ASTN2: variants seen among roughly 807,000 people sequenced by gnomAD.
ASTN2 encodes the protein astrotactin-2.
In ASTN2, 54 loss-of-function variants were observed where a neutral mutation model predicts 139.8. The ratio of observed to expected loss-of-function variants is 0.39; its 90% CI spans 0.31 to 0.48. ASTN2 has a LOEUF of 0.48. Ranked by LOEUF, ASTN2 falls within the 20% of genes least tolerant of loss-of-function variation. The pLI is 0.95. For missense variants in ASTN2, 1,565 were observed against 1,725.1 expected, an observed-to-expected ratio of 0.91 and a Z score of 1.64; for synonymous variants, 756 against 719.5, an observed-to-expected ratio of 1.05 and a Z score of -0.81.
chr9:116,905,380 G>T (rs16934045), intron 10 of ASTN2, among the ~76,000 whole-genome samples: 64 of 152,232 alleles, frequency 4.2e-4, no homozygotes, highest in Middle Eastern at 3.4e-3. Context: ...TGACGAATCC[G>T]CCAAGAAAGC....
intron 7 of ASTN2, among the ~76,000 whole-genome samples, chr9:116,987,686 T>A (rs1005683316): frequency 4.6e-5 from 7 of 152,190 alleles, no homozygotes; most frequent in African/African-American, 1.7e-4. Context: ...TTCCTATATG[T>A]ACATACCCAT....
At chr9:117,134,736 GC>G in intron 4 of ASTN2, among the ~76,000 whole-genome samples, 1 of 152,050 alleles carries the variant, frequency 6.6e-6, no homozygotes, top group East Asian at 1.9e-4. Context: ...CCCCAAGCCA[GC>G]CCACACCACC....
intron 17 of ASTN2, among the ~76,000 whole-genome samples, chr9:116,646,004 T>G (rs1241259280): frequency 6.6e-6 from 1 of 152,238 alleles, no homozygotes; most frequent in African/African-American, 2.4e-5. Flanking sequence ...GATTTCTTCT[T>G]GGACATTATG....
intron 12 of ASTN2, among the ~76,000 whole-genome samples, chr9:116,819,743 A>G (rs917689089): frequency 6.6e-6 from 1 of 152,228 alleles, no homozygotes; most frequent in Admixed American, 6.5e-5. Flanking sequence ...CAAATATTCT[A>G]ATACTAAGAC....
At chr9:117,272,051 T>C (rs1834078534) in intron 2 of ASTN2, among the ~76,000 whole-genome samples, 1 of 152,134 alleles carries the variant, frequency 6.6e-6, no homozygotes, top group Admixed American at 6.5e-5. Flanking sequence ...TCTTCCACAC[T>C]CCCATAGCAG....
At chr9:116,578,826 T>C (rs1853835727) in intron 19 of ASTN2, 1 of 152,142 alleles carries the variant, frequency 6.6e-6, no homozygotes, top group Non-Finnish European at 1.5e-5. Flanking sequence ...TGGATAAAGT[T>C]ATTATTGTCC....
At chr9:116,679,891 T>A (rs1182346638) in intron 16 of ASTN2, among the ~76,000 whole-genome samples, 1 of 152,162 alleles carries the variant, frequency 6.6e-6, no homozygotes, top group Non-Finnish European at 1.5e-5. Context: ...GAGGGAAATT[T>A]ATAGCAATAA....
chr9:116,530,329 C>T (rs1851290505), intron 19 of ASTN2, among the ~76,000 whole-genome samples: 3 of 151,068 alleles, frequency 2.0e-5, no homozygotes, highest in Admixed American at 1.3e-4. Context: ...ATCATGGTTA[C>T]TACATGTTAC....
intron 5 of ASTN2, among the ~76,000 whole-genome samples, chr9:117,092,936 T>C (rs1018395759): frequency 2.0e-5 from 3 of 152,180 alleles, no homozygotes; most frequent in Middle Eastern, 3.4e-3. Flanking sequence ...AGAACCATTC[T>C]AGTGTCACAG....
At chr9:116,682,670 T>C (rs2132025340) in intron 16 of ASTN2, among the ~76,000 whole-genome samples, 1 of 152,308 alleles carries the variant, frequency 6.6e-6, no homozygotes, top group African/African-American at 2.4e-5. Flanking sequence ...ATGTGGCACA[T>C]ATACACCATG....
intron 19 of ASTN2, among the ~76,000 whole-genome samples, chr9:116,574,844 C>T (rs1272217009): frequency 1.3e-5 from 2 of 152,206 alleles, no homozygotes; most frequent in East Asian, 3.8e-4. Flanking sequence ...TTCCTTTGCA[C>T]ATTAAACTTC....
chr9:116,708,624 G>C (rs78606537), intron 16 of ASTN2, among the ~76,000 whole-genome samples: 2 of 152,196 alleles, frequency 1.3e-5, no homozygotes, highest in Middle Eastern at 3.4e-3. Context: ...AAGAGCTCAC[G>C]AAAAAGGGAT....
rs192410738 is a variant in ASTN2 at position 117,098,589 on chromosome 9, T to G, written c.1169-2438A>C. 1.2e-3 allele frequency among the ~76,000 whole-genome samples: 181 copies of G among 152,122 alleles called. 1 individual carries two copies. Among genetic ancestry groups the G allele is most frequent in the African/African-American group, 4.3e-3 (178 of 41,518 alleles). On this transcript the variant is annotated intron_variant, in intron 4 of 22. Coordinates refer to ENST00000313400, the MANE Select transcript of ASTN2 (RefSeq NM_001365068.1). ...GCACACTTCCCCAATCCCCAGCAACTAAAAGCAGGGCCTGGAGACATCAGG... is the reference window on the plus strand; with the variant it reads ...GCACACTTCCCCAATCCCCAGCAACGAAAAGCAGGGCCTGGAGACATCAGG...
intron 10 of ASTN2, among the ~76,000 whole-genome samples, chr9:116,959,172 CT>C (rs777741073): frequency 6.6e-6 from 1 of 152,118 alleles, no homozygotes; most frequent in East Asian, 1.9e-4. Context: ...GGAGAAAGGG[CT>C]TCTACAATGG....
chr9:116,466,599 T>C (rs555118688), intron 20 of ASTN2, among the ~76,000 whole-genome samples: 1 of 152,168 alleles, frequency 6.6e-6, no homozygotes, highest in Non-Finnish European at 1.5e-5. Context: ...CAGTGTAAGA[T>C]GAGGCAATGC....
chr9:116,509,430 C>T (rs910177566), intron 19 of ASTN2, among the ~76,000 whole-genome samples: 2 of 152,110 alleles, frequency 1.3e-5, no homozygotes, highest in African/African-American at 4.8e-5. Flanking sequence ...TGGGTTGGTT[C>T]CAAGTCTTTG....
intron 20 of ASTN2, among the ~76,000 whole-genome samples, chr9:116,460,067 G>A (rs1237953213): frequency 6.6e-6 from 1 of 152,076 alleles, no homozygotes; most frequent in Non-Finnish European, 1.5e-5. Flanking sequence ...AATATTACTT[G>A]CCATAAAAAG....
chr9:117,310,779 C>T (rs1827949110), intron 1 of ASTN2, among the ~76,000 whole-genome samples: 3 of 152,112 alleles, frequency 2.0e-5, no homozygotes, highest in African/African-American at 7.2e-5. Flanking sequence ...CACGCGCCAC[C>T]ACACCCAGAT....
intron 3 of ASTN2, among the ~76,000 whole-genome samples, chr9:117,208,155 C>A (rs1190604851): frequency 6.6e-6 from 1 of 151,954 alleles, no homozygotes. Flanking sequence ...TAGCAGCAGA[C>A]CCTGATCATA....
Sources: gnomAD v4.1 joint callset for allele counts (sites outside exome capture counted in the v4.1 genomes callset) on GRCh38, gnomAD v4.1.1 for gene constraint, MANE v1.5 for transcripts, NCBI Gene and HGNC (gene_info 2026-07-23, HGNC 2026-07-21) for gene names.